The following CAMK1D variants were observed in gnomAD, a reference collection of about 807,000 sequenced individuals.
CAMK1D encodes calcium/calmodulin dependent protein kinase ID.
CAMK1D carries 9 observed loss-of-function variants against 47.7 expected under a neutral mutation model. That is an observed-to-expected ratio of 0.19 (90% CI 0.11 to 0.33). CAMK1D has a LOEUF of 0.33. Among genes scored for constraint, CAMK1D ranks in the 10% least tolerant of loss-of-function variants. The pLI, the probability that CAMK1D is intolerant of heterozygous loss-of-function variation, is 1.00. For missense variants in CAMK1D, 291 were observed against 488.7 expected (o/e 0.60, Z 3.81); for synonymous variants, 184 against 184.9 (o/e 0.99, Z 0.04).
chr10:12,607,847 G>C (rs1188460199), intron 2 of CAMK1D, among the ~76,000 whole-genome samples: 1 of 152,182 alleles, frequency 6.6e-6, no homozygotes, highest in African/African-American at 2.4e-5. Flanking sequence ...TGTAGTCCCA[G>C]ATACTTGGGA....
chr10:12,508,922 T>C (rs923740468), intron 1 of CAMK1D, among the ~76,000 whole-genome samples: 1 of 152,206 alleles, frequency 6.6e-6, no homozygotes. Flanking sequence ...GGAAAATTCT[T>C]TGTCCTGCTC....
chr10:12,657,039 A>G (rs1840137843), intron 2 of CAMK1D, among the ~76,000 whole-genome samples: 1 of 152,198 alleles, frequency 6.6e-6, no homozygotes. Context: ...CAATTCCACT[A>G]ATCAGTATGC....
chr10:12,698,962 C>T (rs1371938363), intron 3 of CAMK1D, among the ~76,000 whole-genome samples: 2 of 152,030 alleles, frequency 1.3e-5, no homozygotes, highest in African/African-American at 2.4e-5. Context: ...TGAGCCACTG[C>T]ACCCGGCCTA....
At chr10:12,514,890 G>A (rs143910592) in intron 1 of CAMK1D, among the ~76,000 whole-genome samples, 54 of 151,972 alleles carry the variant, frequency 3.6e-4, no homozygotes, top group African/African-American at 1.1e-3. Flanking sequence ...TCACTCTGTC[G>A]CCCAGGCTGG....
At chr10:12,487,923 G>A (rs150306869) in intron 1 of CAMK1D, among the ~76,000 whole-genome samples, 1 of 152,250 alleles carries the variant, frequency 6.6e-6, no homozygotes, top group African/African-American at 2.4e-5. Flanking sequence ...GGCTCCTCCA[G>A]CCATGTTGAA....
intron 3 of CAMK1D, among the ~76,000 whole-genome samples, chr10:12,713,662 T>C (rs985213562): frequency 6.6e-6 from 1 of 152,118 alleles, no homozygotes; most frequent in Non-Finnish European, 1.5e-5. Context: ...CAGTTGCAGA[T>C]GTTTGTTAGG....
chr10:12,687,736 G>A (rs1423307458), intron 3 of CAMK1D, among the ~76,000 whole-genome samples: 3 of 152,092 alleles, frequency 2.0e-5, no homozygotes, highest in African/African-American at 2.4e-5. Flanking sequence ...TCTCAATTCC[G>A]GAGACAAATC....
At chr10:12,708,251 C>T (rs1316043546) in intron 3 of CAMK1D, among the ~76,000 whole-genome samples, 2 of 152,034 alleles carry the variant, frequency 1.3e-5, no homozygotes, top group Non-Finnish European at 2.9e-5. Context: ...GCACTCCCAG[C>T]TTATGCCTGG....
At chr10:12,777,799 TC>T (rs1363220260) in intron 5 of CAMK1D, among the ~76,000 whole-genome samples, 2 of 152,204 alleles carry the variant, frequency 1.3e-5, no homozygotes, top group African/African-American at 4.8e-5. Context: ...GCCACTCACC[TC>T]CTTCCGCAGC....
At chr10:12,734,857 A>G (rs1835112201) in intron 3 of CAMK1D, among the ~76,000 whole-genome samples, 2 of 152,164 alleles carry the variant, frequency 1.3e-5, no homozygotes, top group South Asian at 4.1e-4. Context: ...GGGCAGAAAA[A>G]GTAGCTCATT....
At chr10:12,644,952 G>A (rs1042472915) in intron 2 of CAMK1D, among the ~76,000 whole-genome samples, 2 of 151,772 alleles carry the variant, frequency 1.3e-5, no homozygotes, top group African/African-American at 4.8e-5. Context: ...AAATCTAAGT[G>A]GGTTTACTTG....
At chr10:12,473,542 C>G (rs542275750) in intron 1 of CAMK1D, among the ~76,000 whole-genome samples, 99 of 152,274 alleles carry the variant, frequency 6.5e-4, no homozygotes, top group African/African-American at 2.3e-3. Flanking sequence ...CTTATAACAA[C>G]TGTAGGAGGT....
At chr10:12,778,087 C>T (rs1424673422) in intron 5 of CAMK1D, among the ~76,000 whole-genome samples, 10 of 152,208 alleles carry the variant, frequency 6.6e-5, no homozygotes, top group Non-Finnish European at 1.2e-4. Context: ...CCATTCCCCT[C>T]AGGGCAATCT....
intron 1 of CAMK1D, among the ~76,000 whole-genome samples, chr10:12,383,623 A>G (rs1838406707): frequency 1.3e-5 from 2 of 152,356 alleles, no homozygotes; most frequent in African/African-American, 4.8e-5. Context: ...AATCTGTAAG[A>G]TAACTAAATA....
At chr10:12,417,356 A>G (rs1360536348) in intron 1 of CAMK1D, among the ~76,000 whole-genome samples, 1 of 152,158 alleles carries the variant, frequency 6.6e-6, no homozygotes, top group African/African-American at 2.4e-5. Context: ...ACAGACTGTC[A>G]ATGTCATGTT....
intron 1 of CAMK1D, among the ~76,000 whole-genome samples, chr10:12,448,425 G>A (rs1220854964): frequency 6.6e-6 from 1 of 151,284 alleles, no homozygotes; most frequent in Non-Finnish European, 1.5e-5. Flanking sequence ...TGAACTCCTG[G>A]CCTCAAGTGA....
intron 1 of CAMK1D, among the ~76,000 whole-genome samples, chr10:12,405,807 C>T (rs559866276): frequency 3.9e-5 from 6 of 152,306 alleles, no homozygotes; most frequent in Non-Finnish European, 7.3e-5. Context: ...TATTGGCATG[C>T]GTTGTTAAAC....
intron 2 of CAMK1D, among the ~76,000 whole-genome samples, chr10:12,572,035 C>T (rs1837342631): frequency 1.0e-5 from 1 of 99,080 alleles, no homozygotes. Context: ...CACCCAAAAA[C>T]TAAACCCCCC....
intron 3 of CAMK1D, among the ~76,000 whole-genome samples, chr10:12,755,007 C>T (rs1018147104): frequency 6.6e-6 from 1 of 152,048 alleles, no homozygotes; most frequent in Non-Finnish European, 1.5e-5. Flanking sequence ...AGAGTGTAAC[C>T]GAATACAGGT....
Sources: allele counts gnomAD v4.1 joint callset (sites outside exome capture counted in the v4.1 genomes callset), GRCh38; gene constraint gnomAD v4.1.1; transcripts MANE v1.5; gene names NCBI Gene and HGNC (gene_info 2026-07-23, HGNC 2026-07-21).